The following ARFGAP1 variants were observed in gnomAD, a reference collection of about 807,000 sequenced individuals.
The protein encoded by ARFGAP1 is ARF GTPase activating protein 1.
ARFGAP1 carries 26 observed loss-of-function variants against 54.0 expected under a neutral mutation model. That is an observed-to-expected ratio of 0.48 (90% CI 0.35 to 0.67). ARFGAP1 has a LOEUF of 0.67. Ranked by LOEUF, ARFGAP1 falls within the 30% of genes least tolerant of loss-of-function variation. ARFGAP1 has a pLI of 0.00. For synonymous variants in ARFGAP1, 248 were observed against 211.9 expected (o/e 1.17, Z -1.48); for missense variants, 525 against 535.8 (o/e 0.98, Z 0.20).
chr20:63,283,840 G>A (rs1356481710), intron 9 of ARFGAP1: 1 of 1,613,524 alleles, frequency 6.2e-7, no homozygotes, highest in Non-Finnish European at 8.5e-7. Context: ...TCTTCTTGCT[G>A]TCGGGTAAAG....
Position 63,276,841 on chromosome 20 carries a change from G to C in ARFGAP1, c.342+190G>C. ...CCAGAGGGGAGGCAAATGGCTTGCG[G>C]GGGGAGACAGACCTTCCCCGCCTCC... On this transcript the variant is annotated intron_variant, in intron 4 of 12. Transcript: ENST00000370283. The surrounding 1 kb of genome is among the most constrained non-coding windows in gnomAD (Gnocchi z 5.2). 1.6e-6 allele frequency: 1 copy of C among 626,490 alleles called. No homozygotes were observed. 38.8% of individuals were successfully genotyped at this position (626,490 alleles called of 1,614,324 possible). A position where few individuals can be genotyped will look rare whatever the true frequency, so the allele number is the denominator to read the frequency against.
At chr20:63,277,153 G>C in intron 4 of ARFGAP1, 52 bp from the exon 5 acceptor site, 1 of 1,528,186 alleles carries the variant, frequency 6.5e-7, no homozygotes, top group East Asian at 2.3e-5. Context: ...CGGTGCCCGA[G>C]GGCATCGCCA....
intron 5 of ARFGAP1, among the ~76,000 whole-genome samples, 158 bp from the exon 6 acceptor site, chr20:63,277,959 G>A (rs984948314): frequency 8.5e-5 from 13 of 152,234 alleles, no homozygotes; most frequent in African/African-American, 2.9e-4. Context: ...CTGAGCCCGA[G>A]CAGCCACTCA....
rs747965956 is a variant in ARFGAP1 at position 63,285,664 on chromosome 20, G to A, written c.785G>A (p.Gly262Glu). Reference protein sequence around the residue: ...LKPAQEKVKEGKIFDDVSSGV... With the variant: ...LKPAQEKVKEEKIFDDVSSGV... The stretch of plus-strand genomic sequence containing the variant: ...TCTTCATCCGTGCAGGTGAAGGAGG[G>A]AAAGATTTTTGATGATGTCTCCAGT... The change falls in exon 11 of 13, where the codon GGA becomes GAA. Residue 262 changes from glycine (G) to glutamate (E), a missense_variant. Gly to Glu is a moderately conservative substitution (Grantham distance 98). Around this residue, in one of 3 missense-constraint regions of ARFGAP1, gnomAD observed 466 missense variants for 453.6 expected, o/e 1.03. Transcript: ENST00000370283. The A allele has an allele frequency of 7.8e-5, 126 of 1,613,584 alleles. No individual in the cohort carries two copies. Among genetic ancestry groups the A allele is most frequent in the Non-Finnish European group, 1.0e-4 (119 of 1,180,016 alleles).
intron 9 of ARFGAP1, 140 bp from the exon 10 acceptor site, chr20:63,284,726 C>T: frequency 6.7e-7 from 1 of 1,496,718 alleles, no homozygotes; most frequent in Middle Eastern, 1.7e-4. Flanking sequence ...GCCCCGTTTC[C>T]TGCTCCCTGC....
chr20:63,273,532 T>C (rs778070471), intron 1 of ARFGAP1: 3 of 152,258 alleles, frequency 2.0e-5, no homozygotes, highest in Non-Finnish European at 2.9e-5. Flanking sequence ...TTTGCTTTCG[T>C]GTTACTAACT....
At chr20:63,278,226 C>G (rs200992487) in intron 6 of ARFGAP1, 23 bp downstream of exon 6, 1 of 1,610,518 alleles carries the variant, frequency 6.2e-7, no homozygotes, top group Non-Finnish European at 8.5e-7. Context: ...GAGCTGGGGA[C>G]GCCTGGCGTG....
intron 12 of ARFGAP1, 69 bp downstream of exon 12, chr20:63,286,511 C>T (rs1454563519): frequency 6.8e-7 from 1 of 1,461,694 alleles, no homozygotes; most frequent in African/African-American, 1.4e-5. Context: ...TACAGGCTCT[C>T]CAGGAGGTGG....
chr20:63,283,636 C>T (rs2067444280), intron 9 of ARFGAP1: 1 of 487,230 alleles, frequency 2.1e-6, no homozygotes, highest in South Asian at 3.6e-5. Context: ...TCGTGGGCCT[C>T]CCAGGGTCCT....
chr20:63,277,315 C>G lies in ARFGAP1; in HGVS notation c.443+10C>G, dbSNP rs1445811281. 6.2e-7 allele frequency: 1 copy of G among 1,608,824 alleles called. No individual in the cohort carries two copies. The highest frequency in any genetic ancestry group is 1.7e-5 in the Admixed American group (1 of 59,684). On this transcript the variant is annotated intron_variant, in intron 5 of 12. Transcript: ENST00000370283. ...CGTCCATGGTGCACCGGTAGCTGCT[C>G]CTCGTGGGGCCTTAGTACAGTTTCC...
chr20:63,278,343 A>G (rs1296249340), intron 6 of ARFGAP1, 140 bp downstream of exon 6: 8 of 783,700 alleles, frequency 1.0e-5, no homozygotes, highest in Middle Eastern at 3.1e-4. Flanking sequence ...GTCTGATTGC[A>G]GTGAGTCCCA....
At chr20:63,278,266 G>A in intron 6 of ARFGAP1, 63 bp downstream of exon 6, 2 of 1,561,758 alleles carry the variant, frequency 1.3e-6, no homozygotes, top group Non-Finnish European at 1.8e-6. Context: ...AGTCTGGTGG[G>A]TAGGGCTGCT....
Position 63,288,057 on chromosome 20 carries a change from C to T in ARFGAP1, c.*184C>T, listed in dbSNP as rs936000952. 41 of 712,206 alleles carry T rather than the reference C, an allele frequency of 5.8e-5. No homozygotes were observed. The African/African-American group carries it at 5.9e-4, about 10-fold the overall frequency. The allele number at this position is 712,206 out of a possible 1,614,324, so 44.1% of individuals were successfully genotyped here. On this transcript the variant is annotated 3_prime_UTR_variant, in exon 13 of 13. Coordinates refer to ENST00000370283, the MANE Select transcript of ARFGAP1 (RefSeq NM_018209.4). ...GCCTGCGCGTGGGGAGTCTTCGGTG[C>T]GTGGGGGCGGCTTGCTGTCCAGCCT...
chr20:63,281,195 C>T, intron 7 of ARFGAP1, 96 bp from the exon 8 acceptor site: 1 of 1,360,758 alleles, frequency 7.3e-7, no homozygotes, highest in Non-Finnish European at 1.0e-6. Flanking sequence ...CTGGGGCAGC[C>T]TCTGCCTTGG....
In ARFGAP1 at chr20:63,275,634, G is replaced by A. The variant is rs777790138; in HGVS notation, c.54G>A (p.Glu18=). Residue 18 remains glutamate (E), a synonymous_variant, in exon 2 of 13, where the codon GAG becomes GAA. Coordinates refer to ENST00000370283, the MANE Select transcript of ARFGAP1 (RefSeq NM_018209.4). ...TTAAAGAAGTCAGGGTGCAGGATGAGAACAACGTAAGCCTCTGCCCCCCAC... is the reference window on the plus strand; with the variant it reads ...TTAAAGAAGTCAGGGTGCAGGATGAAAACAACGTAAGCCTCTGCCCCCCAC... ...KVLKEVRVQD[E]NNVCFECGAF... The A allele has an allele frequency of 2.5e-6, 4 of 1,613,892 alleles. No individual in the cohort carries two copies. Among genetic ancestry groups the A allele is most frequent in the Non-Finnish European group, 3.4e-6 (4 of 1,180,002 alleles).
intron 9 of ARFGAP1, chr20:63,283,152 C>T (rs1292954220): frequency 2.1e-6 from 1 of 477,050 alleles, no homozygotes; most frequent in East Asian, 3.7e-5. Context: ...CCCGGCTTGG[C>T]AGATGGCCCA....
intron 1 of ARFGAP1, among the ~76,000 whole-genome samples, chr20:63,274,431 A>G (rs970126372): frequency 2.0e-5 from 3 of 151,132 alleles, no homozygotes; most frequent in African/African-American, 2.4e-5. Context: ...CACTGTGAAT[A>G]GGAAAGCTGG....
In ARFGAP1 at chr20:63,279,269, G is replaced by C. The variant is rs979390155; in HGVS notation, c.627+274G>C. ...GCTGCAGACTGGAGGGCAGTGGTGC[G>C]ACCTCAGCTCACTGCAACCTCTGCC... On this transcript the variant is annotated intron_variant, in intron 7 of 12. Transcript: ENST00000370283. The C allele has an allele frequency of 1.1e-5, 6 of 534,700 alleles. No homozygotes were observed. The East Asian group carries it at 2.2e-4, about 19-fold the overall frequency. 33.1% of individuals were successfully genotyped at this position (534,700 alleles called of 1,614,324 possible). A position where few individuals can be genotyped will look rare whatever the true frequency, so the allele number is the denominator to read the frequency against.
chr20:63,280,173 C>A (rs1412098954), intron 7 of ARFGAP1, among the ~76,000 whole-genome samples: 1 of 152,218 alleles, frequency 6.6e-6, no homozygotes, highest in Non-Finnish European at 1.5e-5. Flanking sequence ...TTCATTGCAG[C>A]ATTGTTGTCC....
Sources: gnomAD v4.1 joint callset for allele counts (sites outside exome capture counted in the v4.1 genomes callset) on GRCh38, gnomAD v4.1.1 for gene constraint, gnomAD v4.1.1 regional missense constraint, Gnocchi (gnomAD v3.1) non-coding constraint, MANE v1.5 for transcripts, NCBI Gene and HGNC (gene_info 2026-07-23, HGNC 2026-07-21) for gene names.